Variants in PXDNL observed in about 807,000 individuals in gnomAD.
The protein encoded by PXDNL is peroxidasin like.
In PXDNL, 145 loss-of-function variants were observed where a neutral mutation model predicts 150.8. That is an observed-to-expected ratio of 0.96 (90% CI 0.84 to 1.10). PXDNL has a LOEUF of 1.10. Among genes scored for constraint, PXDNL ranks in the 50% least tolerant of loss-of-function variants. The probability of loss-of-function intolerance (pLI) is 0.00; values close to 1 mark genes in which losing one functional copy is unlikely to be tolerated. For synonymous variants in PXDNL, 757 were observed against 725.7 expected, an observed-to-expected ratio of 1.04 and a Z score of -0.69; for missense variants, 2,087 against 1,873.9, an observed-to-expected ratio of 1.11 and a Z score of -2.10.
At chr8:51,337,532 A>G (rs1805863340) in intron 21 of PXDNL, among the ~76,000 whole-genome samples, 1 of 152,182 alleles carries the variant, frequency 6.6e-6, no homozygotes, top group South Asian at 2.1e-4. Flanking sequence ...CATGCTATCT[A>G]TCTTAAGGGT....
At chr8:51,753,428 T>G (rs1263476683) in intron 1 of PXDNL, among the ~76,000 whole-genome samples, 1 of 152,184 alleles carries the variant, frequency 6.6e-6, no homozygotes, top group Non-Finnish European at 1.5e-5. Flanking sequence ...TTCTACCAGT[T>G]GGAGGATGAG....
intron 21 of PXDNL, among the ~76,000 whole-genome samples, chr8:51,331,256 G>A (rs1230934955): frequency 6.6e-6 from 1 of 152,144 alleles, no homozygotes; most frequent in African/African-American, 2.4e-5. Context: ...GACTTTACCT[G>A]GAGCTGAGTT....
At chr8:51,739,730 G>T (rs2036883294) in intron 1 of PXDNL, among the ~76,000 whole-genome samples, 1 of 152,080 alleles carries the variant, frequency 6.6e-6, no homozygotes, top group East Asian at 1.9e-4. Flanking sequence ...TAAAAAATTA[G>T]CTGGGCATGG....
chr8:51,335,682 T>TACACAC (rs3040925), intron 21 of PXDNL, among the ~76,000 whole-genome samples: 12,803 of 137,482 alleles, frequency 0.093, 1,170 homozygotes, highest in African/African-American at 0.23. Context: ...TTATATACCC[T>TACACAC]ACACACACAC....
chr8:51,351,920 T>C (rs1265646474), intron 19 of PXDNL, among the ~76,000 whole-genome samples: 1 of 151,986 alleles, frequency 6.6e-6, no homozygotes, highest in Non-Finnish European at 1.5e-5. Context: ...TCTTTCTCCC[T>C]CCATCTAGTA....
At chr8:51,783,866 G>A (rs2037437366) in intron 1 of PXDNL, among the ~76,000 whole-genome samples, 1 of 152,108 alleles carries the variant, frequency 6.6e-6, no homozygotes, top group Admixed American at 6.5e-5. Flanking sequence ...TTGGTAAAAT[G>A]GAACTAAACA....
At chr8:51,798,004 G>T (rs1028588434) in intron 1 of PXDNL, among the ~76,000 whole-genome samples, 2 of 152,132 alleles carry the variant, frequency 1.3e-5, no homozygotes, top group African/African-American at 2.4e-5. Flanking sequence ...ACAGAATAGA[G>T]ATCTCAGAAA....
At chr8:51,439,582 TG>T (rs1809491556) in intron 12 of PXDNL, among the ~76,000 whole-genome samples, 1 of 152,090 alleles carries the variant, frequency 6.6e-6, no homozygotes. Context: ...CCCAACACTT[TG>T]GGAGGCTGAG....
At chr8:51,607,150 C>A in intron 2 of PXDNL, among the ~76,000 whole-genome samples, 1 of 152,084 alleles carries the variant, frequency 6.6e-6, no homozygotes, top group Non-Finnish European at 1.5e-5. Context: ...TTTATTGATT[C>A]TCAGGCTCCA....
intron 3 of PXDNL, among the ~76,000 whole-genome samples, chr8:51,575,944 T>G (rs1194283925): frequency 1.3e-5 from 2 of 151,824 alleles, no homozygotes; most frequent in Non-Finnish European, 2.9e-5. Context: ...TTATAATTAT[T>G]TTAAAAAGGT....
chr8:51,612,793 G>A (rs983678251), intron 2 of PXDNL, among the ~76,000 whole-genome samples: 1 of 152,158 alleles, frequency 6.6e-6, no homozygotes, highest in South Asian at 2.1e-4. Context: ...AGAATTGTGA[G>A]AAATAAATTT....
At chr8:51,744,539 G>A (rs1292235582) in intron 1 of PXDNL, among the ~76,000 whole-genome samples, 1 of 149,578 alleles carries the variant, frequency 6.7e-6, no homozygotes, top group African/African-American at 2.4e-5. Context: ...AGCTGGGCGT[G>A]GTGGCAGGCG....
intron 3 of PXDNL, among the ~76,000 whole-genome samples, chr8:51,565,165 T>C (rs1445192275): frequency 2.0e-5 from 3 of 151,770 alleles, no homozygotes; most frequent in South Asian, 4.1e-4. Context: ...TAAAATTCTA[T>C]ACCTGACTTC....
chr8:51,572,770 T>A (rs1752271990), intron 3 of PXDNL, among the ~76,000 whole-genome samples: 1 of 151,900 alleles, frequency 6.6e-6, no homozygotes, highest in Non-Finnish European at 1.5e-5. Flanking sequence ...ATTGGACAGC[T>A]GTGATTATTA....
intron 1 of PXDNL, among the ~76,000 whole-genome samples, chr8:51,795,426 C>G (rs774813760): frequency 6.6e-6 from 1 of 152,196 alleles, no homozygotes; most frequent in Non-Finnish European, 1.5e-5. Flanking sequence ...TGCAAAATAA[C>G]TGAAATCATA....
At chr8:51,689,352 T>C (rs1315460221) in intron 1 of PXDNL, among the ~76,000 whole-genome samples, 1 of 151,956 alleles carries the variant, frequency 6.6e-6, no homozygotes, top group Non-Finnish European at 1.5e-5. Flanking sequence ...ATTTTGGGGA[T>C]TAATATGTAA....
At chr8:51,533,951 C>T (rs1193169918) in intron 4 of PXDNL, among the ~76,000 whole-genome samples, 1 of 149,488 alleles carries the variant, frequency 6.7e-6, no homozygotes, top group Non-Finnish European at 1.5e-5. Context: ...CCCCCATCGT[C>T]TGGGATACGA....
chr8:51,440,234 T>C (rs1449964585), intron 12 of PXDNL, among the ~76,000 whole-genome samples: 2 of 151,736 alleles, frequency 1.3e-5, no homozygotes, highest in African/African-American at 4.8e-5. Context: ...GCTATGAGGA[T>C]GAAAAGAGAT....
intron 4 of PXDNL, among the ~76,000 whole-genome samples, chr8:51,535,184 T>C (rs576969190): frequency 1.9e-3 from 236 of 123,324 alleles, no homozygotes; most frequent in East Asian, 7.7e-3. Flanking sequence ...GTGAGGAGCC[T>C]CTCTGCCCGG....
Sources: gnomAD v4.1 joint callset for allele counts (sites outside exome capture counted in the v4.1 genomes callset) on GRCh38, gnomAD v4.1.1 for gene constraint, MANE v1.5 for transcripts, NCBI Gene and HGNC (gene_info 2026-07-23, HGNC 2026-07-21) for gene names.